The following MTUS2 variants were observed in gnomAD, a reference collection of about 807,000 sequenced individuals.
MTUS2 encodes microtubule associated scaffold protein 2.
In MTUS2, 40 loss-of-function variants were observed where a neutral mutation model predicts 114.1. The observed-to-expected ratio is 0.35, with a 90% CI of 0.27 to 0.46. The LOEUF (loss-of-function observed/expected upper bound fraction) is 0.46. Among genes scored for constraint, MTUS2 ranks in the 20% least tolerant of loss-of-function variants. The pLI, the probability that MTUS2 is intolerant of heterozygous loss-of-function variation, is 1.00. For synonymous variants in MTUS2, 688 were observed against 672.0 expected, an observed-to-expected ratio of 1.02 and a Z score of -0.37; for missense variants, 1,679 against 1,705.4, an observed-to-expected ratio of 0.98 and a Z score of 0.27.
chr13:28,839,487 C>G (rs1875325064), intron 1 of MTUS2, among the ~76,000 whole-genome samples: 1 of 152,122 alleles, frequency 6.6e-6, no homozygotes, highest in Non-Finnish European at 1.5e-5. Context: ...AGATCATTAA[C>G]TACTTGAGGG....
chr13:29,316,834 A>G (rs1566126046), intron 6 of MTUS2, among the ~76,000 whole-genome samples: 1 of 152,218 alleles, frequency 6.6e-6, no homozygotes, highest in Non-Finnish European at 1.5e-5. Flanking sequence ...AAGCAACTGC[A>G]ACCTGGCATC....
intron 5 of MTUS2, among the ~76,000 whole-genome samples, chr13:29,278,221 G>A (rs1226527041): frequency 1.3e-5 from 2 of 152,286 alleles, no homozygotes; most frequent in African/African-American, 4.8e-5. Context: ...GTACATAGGA[G>A]AACATCTTTA....
intron 8 of MTUS2, among the ~76,000 whole-genome samples, chr13:29,411,385 T>A (rs1875226612): frequency 6.6e-6 from 1 of 152,220 alleles, no homozygotes; most frequent in East Asian, 1.9e-4. Flanking sequence ...TTTCCATATG[T>A]CCTTAGGTCT....
intron 12 of MTUS2, among the ~76,000 whole-genome samples, chr13:29,495,561 A>G (rs1310367770): frequency 6.6e-6 from 1 of 151,940 alleles, no homozygotes; most frequent in Admixed American, 6.6e-5. Context: ...GGATGATACC[A>G]TTTCTCTTGC....
At chr13:28,968,963 G>A (rs1397756351) in intron 2 of MTUS2, among the ~76,000 whole-genome samples, 1 of 151,996 alleles carries the variant, frequency 6.6e-6, no homozygotes, top group African/African-American at 2.4e-5. Flanking sequence ...AAACTAAAAG[G>A]CAAAATATAG....
At position 29,026,111 on chromosome 13, in the gene MTUS2, GT is replaced by G; in HGVS notation, c.1415del (p.Phe472SerfsTer42). 6.2e-7 allele frequency: 1 copy of G among 1,614,020 alleles called. No individual in the cohort carries two copies. Among genetic ancestry groups the G allele is most frequent in the Non-Finnish European group, 8.5e-7 (1 of 1,179,894 alleles). ...ATAAGGACAGTGTTATGGTTTTGGT[GT>G]TCAATCCTTCTGTTGGAGAGAACAA... Reference protein sequence around the residue: ...GNKDSVMVLVFNPSVGENKTE... With the variant: ...GNKDSVMVLVXNPSVGENKTE... On this transcript the variant is annotated frameshift_variant, in exon 3 of 16. Transcript: ENST00000612955. LOFTEE classifies it high-confidence loss of function.
intron 2 of MTUS2, among the ~76,000 whole-genome samples, chr13:28,870,386 T>A (rs985253749): frequency 7.2e-5 from 11 of 152,268 alleles, no homozygotes; most frequent in African/African-American, 2.6e-4. Flanking sequence ...CTTTGCTTGG[T>A]AAGGCAGGCA....
intron 8 of MTUS2, among the ~76,000 whole-genome samples, chr13:29,390,274 A>G (rs981968569): frequency 2.0e-5 from 3 of 151,926 alleles, no homozygotes; most frequent in Non-Finnish European, 4.4e-5. Context: ...TCAGGAGTGT[A>G]TAAGAGGGTC....
At chr13:29,012,999 C>T (rs761384681) in intron 2 of MTUS2, among the ~76,000 whole-genome samples, 1 of 152,206 alleles carries the variant, frequency 6.6e-6, no homozygotes, top group Non-Finnish European at 1.5e-5. Flanking sequence ...AGTGTGTGCC[C>T]TGCAAACATA....
At chr13:29,126,897 G>A (rs980215385) in intron 5 of MTUS2, among the ~76,000 whole-genome samples, 3 of 152,212 alleles carry the variant, frequency 2.0e-5, no homozygotes, top group Admixed American at 2.0e-4. Context: ...ATATCACAGG[G>A]CGATTGTGAG....
At chr13:28,965,653 A>G (rs1883547276) in intron 2 of MTUS2, among the ~76,000 whole-genome samples, 1 of 152,162 alleles carries the variant, frequency 6.6e-6, no homozygotes, top group Non-Finnish European at 1.5e-5. Context: ...GGTTTATTTT[A>G]AGGAATTGGC....
At chr13:28,912,861 A>AT (rs200807085) in intron 2 of MTUS2, among the ~76,000 whole-genome samples, 13 of 152,078 alleles carry the variant, frequency 8.5e-5, no homozygotes, top group Middle Eastern at 3.4e-3. Flanking sequence ...ATTTTTGCAC[A>AT]TTTTTAAAAA....
chr13:29,206,856 T>G (rs545222477), intron 5 of MTUS2, among the ~76,000 whole-genome samples: 1 of 152,326 alleles, frequency 6.6e-6, no homozygotes, highest in South Asian at 2.1e-4. Flanking sequence ...CCTCCAGATT[T>G]GTTCTTTTTG....
chr13:29,485,805 C>T (rs1881568585), intron 10 of MTUS2, among the ~76,000 whole-genome samples: 2 of 151,868 alleles, frequency 1.3e-5, no homozygotes, highest in South Asian at 4.1e-4. Flanking sequence ...ATCTGTCTGT[C>T]TTTTCTGAAA....
chr13:28,947,198 G>T (rs1457639218), intron 2 of MTUS2, among the ~76,000 whole-genome samples: 1 of 152,080 alleles, frequency 6.6e-6, no homozygotes, highest in African/African-American at 2.4e-5. Flanking sequence ...AGTTTTACTG[G>T]GCTTTTATGT....
intron 11 of MTUS2, among the ~76,000 whole-genome samples, chr13:29,489,163 C>T (rs770273920): frequency 3.8e-4 from 58 of 152,016 alleles, no homozygotes; most frequent in Non-Finnish European, 5.6e-4. Context: ...GCTGGCTACA[C>T]GGGAGGTTGA....
chr13:29,240,859 C>CT (rs1172018981), intron 5 of MTUS2, among the ~76,000 whole-genome samples: 1 of 151,950 alleles, frequency 6.6e-6, no homozygotes, highest in African/African-American at 2.4e-5. Context: ...ACTTGCTTTT[C>CT]TTTTTGTTAA....
intron 9 of MTUS2, among the ~76,000 whole-genome samples, chr13:29,448,102 GA>G (rs1352020889): frequency 2.6e-5 from 4 of 152,146 alleles, no homozygotes; most frequent in Non-Finnish European, 4.4e-5. Context: ...AGCTGAGAGA[GA>G]AAATGACATC....
At chr13:29,444,772 G>A (rs900460886) in intron 9 of MTUS2, among the ~76,000 whole-genome samples, 1 of 152,226 alleles carries the variant, frequency 6.6e-6, no homozygotes, top group African/African-American at 2.4e-5. Context: ...GCACAGGTGG[G>A]TGGGGAAAAG....
Sources: allele counts gnomAD v4.1 joint callset (sites outside exome capture counted in the v4.1 genomes callset), GRCh38; gene constraint gnomAD v4.1.1; transcripts MANE v1.5; gene names NCBI Gene and HGNC (gene_info 2026-07-23, HGNC 2026-07-21).